The following CCDC192 variants were observed in gnomAD, a reference collection of about 807,000 sequenced individuals.
CCDC192 encodes the protein coiled-coil domain containing 192.
At chr5:127,749,799 T>C (rs58684388) in intron 2 of CCDC192, among the ~76,000 whole-genome samples, 6,398 of 152,248 alleles carry the variant, frequency 0.042, 447 homozygotes, top group African/African-American at 0.15. Flanking sequence ...GATCCTGTTA[T>C]TGGTCTATTC....
chr5:127,704,569 G>A (rs888937220), intron 1 of CCDC192, among the ~76,000 whole-genome samples: 8 of 152,220 alleles, frequency 5.3e-5, no homozygotes, highest in South Asian at 4.1e-4. Context: ...TTGGGTCTAT[G>A]GTCTGTGGAT....
intron 2 of CCDC192, among the ~76,000 whole-genome samples, chr5:127,712,590 T>C (rs1751400290): frequency 6.6e-6 from 1 of 152,214 alleles, no homozygotes; most frequent in Non-Finnish European, 1.5e-5. Flanking sequence ...CCTCTTTTCT[T>C]TTCAAATTAC....
chr5:127,811,803 C>T (rs1267872800), intron 5 of CCDC192, among the ~76,000 whole-genome samples: 2 of 152,090 alleles, frequency 1.3e-5, no homozygotes, highest in Non-Finnish European at 2.9e-5. Flanking sequence ...TTGGCAAGGT[C>T]TGAGAAGAAA....
chr5:127,780,593 A>T (rs892332320), intron 3 of CCDC192, among the ~76,000 whole-genome samples: 1 of 151,910 alleles, frequency 6.6e-6, no homozygotes, highest in African/African-American at 2.4e-5. Context: ...GCATTTTTTC[A>T]TATATTTGTT....
intron 3 of CCDC192, among the ~76,000 whole-genome samples, chr5:127,787,701 T>C (rs1756628558): frequency 6.6e-6 from 1 of 152,220 alleles, no homozygotes; most frequent in Non-Finnish European, 1.5e-5. Flanking sequence ...TGTATATTTT[T>C]CTGTTGTTTT....
chr5:127,885,583 A>G (rs1361769257), intron 6 of CCDC192, among the ~76,000 whole-genome samples: 5 of 152,164 alleles, frequency 3.3e-5, no homozygotes, highest in African/African-American at 9.7e-5. Flanking sequence ...GTGTTTCCTT[A>G]TAGGAGGTTA....
At chr5:127,911,968 C>T (rs1462720196) in intron 6 of CCDC192, among the ~76,000 whole-genome samples, 1 of 151,990 alleles carries the variant, frequency 6.6e-6, no homozygotes, top group Non-Finnish European at 1.5e-5. Context: ...GTCGCCCAGG[C>T]TGGAGTGCTG....
chr5:127,938,725 G>T (rs1366051144), intron 6 of CCDC192, among the ~76,000 whole-genome samples: 1 of 152,232 alleles, frequency 6.6e-6, no homozygotes, highest in Non-Finnish European at 1.5e-5. Context: ...AAATCTCCCA[G>T]TCAAATGTGT....
At chr5:127,916,906 C>A (rs1753536184) in intron 6 of CCDC192, among the ~76,000 whole-genome samples, 1 of 152,210 alleles carries the variant, frequency 6.6e-6, no homozygotes, top group African/African-American at 2.4e-5. Context: ...CAAGAGTCAT[C>A]CTGCCCTTTG....
chr5:127,915,030 T>G (rs1170699591), intron 6 of CCDC192, among the ~76,000 whole-genome samples: 1 of 152,186 alleles, frequency 6.6e-6, no homozygotes, highest in African/African-American at 2.4e-5. Flanking sequence ...AAGGGATATA[T>G]TTTACATTTT....
intron 5 of CCDC192, among the ~76,000 whole-genome samples, chr5:127,849,488 A>G (rs1408265694): frequency 4.6e-5 from 7 of 152,158 alleles, no homozygotes; most frequent in African/African-American, 1.7e-4. Context: ...TCCAGAATAT[A>G]GAAAGAGTTG....
intron 6 of CCDC192, among the ~76,000 whole-genome samples, chr5:127,917,658 T>C (rs778213575): frequency 3.9e-5 from 6 of 152,098 alleles, no homozygotes; most frequent in Admixed American, 6.5e-5. Context: ...CACATACTAT[T>C]TATAGATTAA....
At chr5:127,733,984 G>C (rs1370163759) in intron 2 of CCDC192, among the ~76,000 whole-genome samples, 4 of 149,772 alleles carry the variant, frequency 2.7e-5, no homozygotes, top group South Asian at 4.2e-4. Flanking sequence ...GTGCAGGTTA[G>C]TTACATATGT....
intron 3 of CCDC192, among the ~76,000 whole-genome samples, chr5:127,764,010 G>T (rs142061445): frequency 1.2e-3 from 184 of 152,246 alleles, no homozygotes; most frequent in African/African-American, 4.3e-3. Flanking sequence ...GATAATAATT[G>T]CTTGTCTGTG....
intron 3 of CCDC192, among the ~76,000 whole-genome samples, chr5:127,766,686 A>G (rs1755245724): frequency 6.7e-6 from 1 of 149,372 alleles, no homozygotes; most frequent in Admixed American, 6.7e-5. Flanking sequence ...ATGTTGTCTC[A>G]GGTTGTTTCC....
intron 3 of CCDC192, among the ~76,000 whole-genome samples, chr5:127,781,711 C>T (rs1178136214): frequency 6.6e-6 from 1 of 151,800 alleles, no homozygotes; most frequent in Non-Finnish European, 1.5e-5. Flanking sequence ...TTGCTGAATG[C>T]TTTTATCAAT....
intron 2 of CCDC192, among the ~76,000 whole-genome samples, chr5:127,708,546 T>C (rs1289234322): frequency 6.6e-6 from 1 of 152,182 alleles, no homozygotes; most frequent in African/African-American, 2.4e-5. Flanking sequence ...AGCTCTAATA[T>C]AGAGGCAGTA....
intron 3 of CCDC192, among the ~76,000 whole-genome samples, chr5:127,789,470 C>T (rs1235097778): frequency 6.6e-6 from 1 of 152,214 alleles, no homozygotes; most frequent in African/African-American, 2.4e-5. Flanking sequence ...AAGAACCTGG[C>T]TAAATTATCT....
chr5:127,918,277 G>T (rs1235784288), intron 6 of CCDC192, among the ~76,000 whole-genome samples: 1 of 146,450 alleles, frequency 6.8e-6, no homozygotes, highest in Non-Finnish European at 1.5e-5. Context: ...CCAATTAAAT[G>T]AGATATGCCC....
Sources: gnomAD v4.1 joint callset for allele counts (sites outside exome capture counted in the v4.1 genomes callset) on GRCh38, gnomAD v4.1.1 for gene constraint, MANE v1.5 for transcripts, NCBI Gene and HGNC (gene_info 2026-07-23, HGNC 2026-07-21) for gene names.